The following PACSIN1 variants were observed in gnomAD, a reference collection of about 807,000 sequenced individuals.
The protein encoded by PACSIN1 is protein kinase C and casein kinase substrate in neurons 1, also known as protein kinase C and casein kinase substrate in neurons protein 1.
Under a neutral mutation model 59.5 loss-of-function variants are expected in PACSIN1, and 15 were observed. The observed-to-expected ratio is 0.25, with a 90% CI of 0.17 to 0.39. The LOEUF (loss-of-function observed/expected upper bound fraction) is 0.39, where lower values mean the gene tolerates loss of function less well. Among genes scored for constraint, PACSIN1 ranks in the 10% least tolerant of loss-of-function variants. PACSIN1 has a pLI of 1.00. For missense variants in PACSIN1, 420 were observed against 580.2 expected, an observed-to-expected ratio of 0.72 and a Z score of 2.84; for synonymous variants, 210 against 220.6, an observed-to-expected ratio of 0.95 and a Z score of 0.42.
At chr6:34,527,035 T>C (rs981421659) in intron 2 of PACSIN1, among the ~76,000 whole-genome samples, 1 of 152,178 alleles carries the variant, frequency 6.6e-6, no homozygotes, top group Non-Finnish European at 1.5e-5. Flanking sequence ...CCAGCCCAAG[T>C]CCAAATTCTA....
chr6:34,484,923 T>TG (rs1204207900), intron 1 of PACSIN1: 6 of 150,182 alleles, frequency 4.0e-5, no homozygotes, highest in Non-Finnish European at 7.4e-5. Flanking sequence ...GGGGCGAAAG[T>TG]GGGGGTCAGG....
chr6:34,515,445 A>T lies in PACSIN1; in HGVS notation c.-63-10798A>T, dbSNP rs1374547139. On this transcript the variant is annotated intron_variant, in intron 1 of 9. Transcript: ENST00000244458. This position sits in a 1 kb window ranked among gnomAD's most constrained non-coding sequence, Gnocchi z 4.4. Reference sequence around the variant, plus strand: ...GGGTATGCGGCAGAGGGCAGGGAGGAGTAAGGATGCCCCTGCCCCACTCAA... The same window carrying T: ...GGGTATGCGGCAGAGGGCAGGGAGGTGTAAGGATGCCCCTGCCCCACTCAA... 6.6e-6 allele frequency among the ~76,000 whole-genome samples: 1 copy of T among 151,962 alleles called. No homozygotes were observed. The highest frequency in any genetic ancestry group is 2.4e-5 in the African/African-American group (1 of 41,370).
At chr6:34,503,293 G>GA (rs998088793) in intron 1 of PACSIN1, among the ~76,000 whole-genome samples, 4 of 149,882 alleles carry the variant, frequency 2.7e-5, no homozygotes, top group African/African-American at 4.9e-5. Flanking sequence ...AAAAGAAAAA[G>GA]AAAAAAAAAG....
Position 34,532,851 on chromosome 6 carries a change from C to T in PACSIN1, c.*321C>T. On this transcript the variant is annotated 3_prime_UTR_variant, in exon 10 of 10. Coordinates refer to ENST00000244458, the MANE Select transcript of PACSIN1 (RefSeq NM_020804.5). This position sits in a 1 kb window ranked among gnomAD's most constrained non-coding sequence, Gnocchi z 5.2. ...AGGGATGGATGTCTCCTGACCCTTC[C>T]ACCCCGCCTCACTCCCTCCGTCCCA... is the stretch of plus-strand genomic sequence containing the variant. The T allele has an allele frequency of 4.3e-6, 1 of 234,640 alleles. No homozygotes were observed. The highest frequency in any genetic ancestry group is 8.4e-5 in the South Asian group (1 of 11,928). 14.5% of individuals were successfully genotyped at this position (234,640 alleles called of 1,614,324 possible).
intron 1 of PACSIN1, among the ~76,000 whole-genome samples, chr6:34,511,445 C>T (rs755366384): frequency 2.6e-5 from 4 of 152,196 alleles, no homozygotes; most frequent in African/African-American, 7.2e-5. Flanking sequence ...TCAGTTTCCA[C>T]ACCTGTATAA....
rs1433315767 is a variant in PACSIN1, at chr6:34,516,545, C to T, written c.-63-9698C>T. The stretch of plus-strand genomic sequence containing the variant: ...GCCAGGCCTGCTGGCCTCAGTTGCC[C>T]GTCAGCGGCCGCCCCCACCTCCACT... On this transcript the variant is annotated intron_variant, in intron 1 of 9. Transcript: ENST00000244458. This position sits in a 1 kb window ranked among gnomAD's most constrained non-coding sequence, Gnocchi z 5.4. Among the ~76,000 whole-genome samples, 4 of 152,184 alleles carry T rather than the reference C, an allele frequency of 2.6e-5. No individual in the cohort carries two copies. Among genetic ancestry groups the T allele is most frequent in the Non-Finnish European group, 5.9e-5 (4 of 68,024 alleles).
intron 1 of PACSIN1, among the ~76,000 whole-genome samples, chr6:34,502,238 G>A (rs1352605303): frequency 1.3e-5 from 2 of 152,014 alleles, no homozygotes; most frequent in Admixed American, 6.6e-5. Flanking sequence ...CACAGGTAGA[G>A]GTTTGACAGA....
chr6:34,528,935 C>G, intron 4 of PACSIN1, 58 bp downstream of exon 4: 2 of 1,351,842 alleles, frequency 1.5e-6, no homozygotes, highest in South Asian at 2.4e-5. Flanking sequence ...TCAGAGGGTG[C>G]TGATCCCAGG....
intron 1 of PACSIN1, among the ~76,000 whole-genome samples, chr6:34,492,574 G>A (rs962748516): frequency 6.6e-6 from 1 of 152,106 alleles, no homozygotes; most frequent in Non-Finnish European, 1.5e-5. Flanking sequence ...TAGACATGGG[G>A]TTTTGCCATG....
At chr6:34,505,504 C>A (rs1767097947) in intron 1 of PACSIN1, among the ~76,000 whole-genome samples, 1 of 149,990 alleles carries the variant, frequency 6.7e-6, no homozygotes. Flanking sequence ...TCCACAGGTT[C>A]CTGAGGTTCT....
At chr6:34,470,927 T>C (rs1766563639) in intron 1 of PACSIN1, among the ~76,000 whole-genome samples, 1 of 152,170 alleles carries the variant, frequency 6.6e-6, no homozygotes, top group African/African-American at 2.4e-5. Flanking sequence ...TAACTAGGTG[T>C]CCTGAATTTT....
rs948393044 is a variant in PACSIN1, at chr6:34,531,675, C to T, written c.1113C>T (p.Gly371=). Residue 371 remains glycine (G), a synonymous_variant, in exon 9 of 10, where the codon GGC becomes GGT. Transcript: ENST00000244458. The surrounding 1 kb of genome is among the most constrained non-coding windows in gnomAD (Gnocchi z 4.4). ...SDDESGNPFG[G]SETNGGANPF... The stretch of plus-strand genomic sequence containing the variant: ...ACGAGAGTGGGAACCCCTTTGGGGG[C>T]AGTGAGACCAACGGGGGCGCCAACC... 3 of 1,613,744 alleles carry T rather than the reference C, an allele frequency of 1.9e-6. No individual in the cohort carries two copies. The African/African-American group carries it at 4.0e-5, about 22-fold the overall frequency.
chr6:34,499,513 G>A (rs781664072), intron 1 of PACSIN1, among the ~76,000 whole-genome samples: 10 of 151,992 alleles, frequency 6.6e-5, no homozygotes, highest in Non-Finnish European at 1.0e-4. Flanking sequence ...ATAGGGACAG[G>A]CTAGACCCAG....
rs1476814508 is a variant in PACSIN1 at position 34,518,422 on chromosome 6, AG to A, written c.-63-7816del. 6.6e-6 allele frequency among the ~76,000 whole-genome samples: 1 copy of A among 152,158 alleles called. No individual in the cohort carries two copies. The highest frequency in any genetic ancestry group is 2.4e-5 in the African/African-American group (1 of 41,422). On this transcript the variant is annotated intron_variant, in intron 1 of 9. Transcript: ENST00000244458. This position sits in a 1 kb window ranked among gnomAD's most constrained non-coding sequence, Gnocchi z 4.4. The stretch of plus-strand genomic sequence containing the variant: ...AAAGAGATGCCCCAGAGCAGACAGG[AG>A]GGGGCCCTGCCTTCCCAACAAGCTC...
At chr6:34,505,631 C>CTTTTTTTTTTT (rs35588714) in intron 1 of PACSIN1, among the ~76,000 whole-genome samples, 1 of 106,428 alleles carries the variant, frequency 9.4e-6, no homozygotes, top group African/African-American at 3.8e-5. Flanking sequence ...TACCTCCATA[C>CTTTTTTTTTTT]TTTTTTTTTT....
intron 1 of PACSIN1, among the ~76,000 whole-genome samples, chr6:34,468,601 C>T (rs530673603): frequency 6.6e-6 from 1 of 152,322 alleles, no homozygotes; most frequent in South Asian, 2.1e-4. Context: ...CTTCTGTCAC[C>T]TGCAGGCCTT....
rs140916092 is a variant in PACSIN1, at chr6:34,515,281, G to A, written c.-63-10962G>A. On this transcript the variant is annotated intron_variant, in intron 1 of 9. Coordinates refer to ENST00000244458, the MANE Select transcript of PACSIN1 (RefSeq NM_020804.5). The surrounding 1 kb of genome is among the most constrained non-coding windows in gnomAD (Gnocchi z 4.4). ...CTTGATCCTCCTCATCAGGGGGACTGTCCCTGTTGCCTTTCCTCCTCTGTA... is the reference window on the plus strand; with the variant it reads ...CTTGATCCTCCTCATCAGGGGGACTATCCCTGTTGCCTTTCCTCCTCTGTA... 4.9e-3 allele frequency among the ~76,000 whole-genome samples: 740 copies of A among 152,320 alleles called. 2 individuals are homozygous for A. The highest frequency in any genetic ancestry group is 7.1e-3 in the Non-Finnish European group (483 of 68,012).
In PACSIN1 at chr6:34,526,226, C is replaced by A; in HGVS notation, c.-63-17C>A. On this transcript the variant is annotated splice_polypyrimidine_tract_variant and intron_variant, in intron 1 of 9. Transcript: ENST00000244458. ...GCCCTTCCCTCATCTCCAGGGATCT[C>A]TCTCCTGCCCTCCCAGTGCATGAGC... 8.2e-7 allele frequency: 1 copy of A among 1,217,776 alleles called. No individual in the cohort carries two copies. The highest frequency in any genetic ancestry group is 1.2e-6 in the Non-Finnish European group (1 of 833,718). 75.4% of individuals were successfully genotyped at this position (1,217,776 alleles called of 1,614,324 possible). A position where few individuals can be genotyped will look rare whatever the true frequency, so the allele number is the denominator to read the frequency against.
At chr6:34,486,982 C>T (rs961550748) in intron 1 of PACSIN1, among the ~76,000 whole-genome samples, 1 of 145,552 alleles carries the variant, frequency 6.9e-6, no homozygotes, top group Non-Finnish European at 1.5e-5. Context: ...GCGTGGGCAA[C>T]ATGGCGAAAC....
Sources: gnomAD v4.1 joint callset for allele counts (sites outside exome capture counted in the v4.1 genomes callset) on GRCh38, gnomAD v4.1.1 for gene constraint, Gnocchi (gnomAD v3.1) non-coding constraint, MANE v1.5 for transcripts, NCBI Gene and HGNC (gene_info 2026-07-23, HGNC 2026-07-21) for gene names.